The following HSPA12A variants were observed in gnomAD, a reference collection of about 807,000 sequenced individuals.
HSPA12A encodes heat shock 70 kDa protein 12A.
Under a neutral mutation model 69.2 loss-of-function variants are expected in HSPA12A, and 28 were observed. That is an observed-to-expected ratio of 0.40 (90% CI 0.30 to 0.55). The LOEUF (loss-of-function observed/expected upper bound fraction) is 0.55, where lower values mean the gene tolerates loss of function less well. Among genes scored for constraint, HSPA12A ranks in the 20% least tolerant of loss-of-function variants. The pLI, the probability that HSPA12A is intolerant of heterozygous loss-of-function variation, is 0.38. For synonymous variants in HSPA12A, 345 were observed against 370.5 expected, an observed-to-expected ratio of 0.93 and a Z score of 0.79; for missense variants, 686 against 900.7, an observed-to-expected ratio of 0.76 and a Z score of 3.05.
At chr10:116,755,252 C>A (rs1347385589) in intron 2 of HSPA12A, among the ~76,000 whole-genome samples, 2 of 152,110 alleles carry the variant, frequency 1.3e-5, no homozygotes, top group Non-Finnish European at 2.9e-5. Context: ...TGCTCTTGGC[C>A]TATCCATGTA....
intron 2 of HSPA12A, among the ~76,000 whole-genome samples, chr10:116,767,359 TCCC>T: frequency 6.6e-6 from 1 of 151,898 alleles, no homozygotes; most frequent in East Asian, 1.9e-4. Flanking sequence ...CCTGCACCCC[TCCC>T]CCACCAGTGA....
rs1411662804 is a variant in HSPA12A, at chr10:116,824,809, T to G, written c.91+10126A>C. ...CCGCCACACCCGGCTAATTTTTGTATTTTTAGTAGAGATGGGGTTTCACCA... is the reference window on the plus strand; with the variant it reads ...CCGCCACACCCGGCTAATTTTTGTAGTTTTAGTAGAGATGGGGTTTCACCA... On this transcript the variant is annotated intron_variant, in intron 2 of 12. Coordinates refer to the HSPA12A transcript ENST00000635765. 4.6e-5 allele frequency among the ~76,000 whole-genome samples: 7 copies of G among 152,178 alleles called. No homozygotes were observed. In the South Asian group the frequency reaches 1.5e-3, roughly 32 times the overall value.
chr10:116,830,914 G>C (rs1334588793), intron 2 of HSPA12A: 4 of 135,308 alleles, frequency 3.0e-5, no homozygotes, highest in Admixed American at 6.9e-5. Flanking sequence ...CATATATATG[G>C]TCTGTAGCTT....
intron 9 of HSPA12A, among the ~76,000 whole-genome samples, chr10:116,680,752 T>G (rs979165857): frequency 1.3e-5 from 2 of 152,228 alleles, no homozygotes. Context: ...CCCAAAGTGC[T>G]GGGATTACAG....
rs1219703656 is a variant in HSPA12A, at chr10:116,705,060, C to T, written c.254+91G>A. The T allele has an allele frequency of 4.7e-5, 71 of 1,502,646 alleles. No individual in the cohort carries two copies. In the South Asian group the frequency reaches 6.1e-4, roughly 13 times the overall value. The allele number at this position is 1,502,646 out of a possible 1,614,324, so 93.1% of individuals were successfully genotyped here. ...CTGGAACAGAATCCAGGGCCGTCTT[C>T]GTAAGTGCCAATCACTGGCTCATTG... On this transcript the variant is annotated intron_variant, in intron 3 of 11. Coordinates refer to ENST00000369209, the MANE Select transcript of HSPA12A (RefSeq NM_025015.3).
chr10:116,846,783 G>C (rs1845895812), intron 1 of HSPA12A, among the ~76,000 whole-genome samples: 1 of 152,178 alleles, frequency 6.6e-6, no homozygotes, highest in Non-Finnish European at 1.5e-5. Context: ...TTAACATGCT[G>C]ATGTATATCT....
chr10:116,817,915 C>T (rs937203238), intron 2 of HSPA12A, among the ~76,000 whole-genome samples: 1 of 152,326 alleles, frequency 6.6e-6, no homozygotes, highest in Admixed American at 6.5e-5. Context: ...GGCAGACATC[C>T]TGGATCATTC....
chr10:116,703,758 A>G (rs1053426090), intron 3 of HSPA12A, among the ~76,000 whole-genome samples: 9 of 152,286 alleles, frequency 5.9e-5, no homozygotes, highest in Admixed American at 5.9e-4. Flanking sequence ...GATCCCATGG[A>G]TGGGTGGCAC....
intron 2 of HSPA12A, among the ~76,000 whole-genome samples, chr10:116,802,688 G>GGT (rs1198666016): frequency 1.2e-4 from 18 of 152,206 alleles, no homozygotes; most frequent in Non-Finnish European, 7.3e-5. Flanking sequence ...CACAGGAAGG[G>GGT]GGCAGCTTAT....
At chr10:116,805,696 C>T (rs974562275) in intron 2 of HSPA12A, among the ~76,000 whole-genome samples, 9 of 152,126 alleles carry the variant, frequency 5.9e-5, no homozygotes, top group Non-Finnish European at 1.0e-4. Context: ...TGACTGTAAA[C>T]GGCCCCATTT....
chr10:116,827,597 C>G (rs184677555), intron 2 of HSPA12A: 1 of 152,468 alleles, frequency 6.6e-6, no homozygotes, highest in African/African-American at 2.4e-5. Context: ...GCCACCAACT[C>G]ACAACACCGC....
rs570403259 is a variant in HSPA12A, at chr10:116,679,487, G to A, written c.1286+16C>T. Reference sequence around the variant, plus strand: ...CGCTAGAATGTCCAGAGCCCGAGGTGATGAGCCCAACTCACTTGCTTTTCC... The same window carrying A: ...CGCTAGAATGTCCAGAGCCCGAGGTAATGAGCCCAACTCACTTGCTTTTCC... On this transcript the variant is annotated intron_variant, in intron 10 of 11. Transcript: ENST00000369209. 3.8e-5 allele frequency: 61 copies of A among 1,610,332 alleles called. 2 individuals carry two copies. In the African/African-American group the frequency reaches 7.1e-4, roughly 19 times the overall value.
intron 6 of HSPA12A, among the ~76,000 whole-genome samples, chr10:116,691,167 G>A (rs1849726120): frequency 6.6e-6 from 1 of 152,216 alleles, no homozygotes; most frequent in Non-Finnish European, 1.5e-5. Flanking sequence ...CACTGAGCCA[G>A]ATTCTCACAC....
rs15641 is a variant in HSPA12A, at chr10:116,672,803, G to A, written c.*1978C>T. ...CAAAGAAAGACCCATACCATTTAGC[G>A]TTTGAAGCAGGGCAGGTAGCAAGAG... On this transcript the variant is annotated 3_prime_UTR_variant, in exon 12 of 12. Transcript: ENST00000369209. The A allele has an allele frequency of 6.6e-6, 1 of 152,560 alleles. No homozygotes were observed. Among genetic ancestry groups the A allele is most frequent in the African/African-American group, 2.4e-5 (1 of 41,442 alleles). The allele number at this position is 152,560 out of a possible 1,614,324, so 9.5% of individuals were successfully genotyped here.
chr10:116,844,328 C>G (rs748700129), intron 1 of HSPA12A, among the ~76,000 whole-genome samples: 1 of 152,160 alleles, frequency 6.6e-6, no homozygotes, highest in Non-Finnish European at 1.5e-5. Context: ...TTTGTTATTA[C>G]TATTATAGTG....
chr10:116,750,208 G>A, intron 2 of HSPA12A: 1 of 714,422 alleles, frequency 1.4e-6, no homozygotes, highest in East Asian at 2.5e-5. Context: ...GTCCTGGCCT[G>A]CTGCTGGCCT....
chr10:116,824,782 C>T (rs1775827325), intron 2 of HSPA12A, among the ~76,000 whole-genome samples: 1 of 152,174 alleles, frequency 6.6e-6, no homozygotes, highest in South Asian at 2.1e-4. Context: ...TATAGATGCG[C>T]ACCGCCACAC....
chr10:116,725,797 G>A (rs527669287), intron 1 of HSPA12A, among the ~76,000 whole-genome samples: 15 of 152,110 alleles, frequency 9.9e-5, no homozygotes, highest in Middle Eastern at 3.4e-3. Context: ...CTGCCTCATC[G>A]CTAATATTTC....
intron 2 of HSPA12A, chr10:116,830,885 G>T (rs538915770): frequency 6.6e-6 from 1 of 152,664 alleles, no homozygotes; most frequent in Non-Finnish European, 1.5e-5. Context: ...GGGGCAGGGA[G>T]AGGATATGTA....
Sources: gnomAD v4.1 joint callset for allele counts (sites outside exome capture counted in the v4.1 genomes callset) on GRCh38, gnomAD v4.1.1 for gene constraint, MANE v1.5 for transcripts, NCBI Gene and HGNC (gene_info 2026-07-23, HGNC 2026-07-21) for gene names.